The following MMS19 variants were observed in gnomAD, a reference collection of about 807,000 sequenced individuals.
MMS19 encodes the protein MMS19 nucleotide excision repair protein homolog.
In MMS19, 77 loss-of-function variants were observed where a neutral mutation model predicts 129.8. That is an observed-to-expected ratio of 0.59 (90% CI 0.49 to 0.72). The LOEUF is 0.72. MMS19 is among the 30% of genes least tolerant of loss of function. The probability of loss-of-function intolerance (pLI) is 0.00; values close to 1 mark genes in which losing one functional copy is unlikely to be tolerated. For missense variants in MMS19, 1,168 were observed against 1,266.3 expected (o/e 0.92, Z 1.18); for synonymous variants, 491 against 502.8 (o/e 0.98, Z 0.31).
intron 16 of MMS19, 47 bp downstream of exon 16, chr10:97,466,455 TAC>T: frequency 1.4e-6 from 2 of 1,430,520 alleles, no homozygotes; most frequent in East Asian, 4.6e-5. Flanking sequence ...TTGCTGCCAA[TAC>T]AGAGGCAGGG....
intron 25 of MMS19, 73 bp from the exon 26 acceptor site, chr10:97,460,305 G>C: frequency 7.0e-7 from 1 of 1,418,616 alleles, no homozygotes; most frequent in Non-Finnish European, 9.6e-7. Context: ...GATGGGGCCG[G>C]GTGTGGTGGC....
At chr10:97,467,025 C>G (rs1261308710) in intron 14 of MMS19, 124 bp from the exon 15 acceptor site, 1 of 1,081,978 alleles carries the variant, frequency 9.2e-7, no homozygotes, top group East Asian at 2.6e-5. Context: ...GTTGCCCAGG[C>G]TGGAGTGCAG....
At chr10:97,478,245 G>C (rs2135412981) in intron 4 of MMS19, 59 bp downstream of exon 4, 4 of 1,364,430 alleles carry the variant, frequency 2.9e-6, no homozygotes, top group Middle Eastern at 1.8e-4. Flanking sequence ...AGCGCAAGGA[G>C]AGAACTAGAC....
Position 97,468,315 on chromosome 10 carries a change from G to C in MMS19, c.1155C>G (p.Ala385=). The C allele has an allele frequency of 6.2e-7, 1 of 1,612,290 alleles. No individual in the cohort carries two copies. Among genetic ancestry groups the C allele is most frequent in the Non-Finnish European group, 8.5e-7 (1 of 1,178,868 alleles). ...GTACATTGCTGGTGACAGAGTCACA[G>C]GCCCGGGCAGATGCACCTGCAGCTG... is the stretch of plus-strand genomic sequence containing the variant. ...LQAAAGASAR[A]CDSVTSNVLP... The change falls in exon 13 of 31, where the codon GCC becomes GCG. Residue 385 remains alanine (A), a synonymous_variant. Coordinates refer to ENST00000438925, the MANE Select transcript of MMS19 (RefSeq NM_022362.5).
At chr10:97,477,825 G>A in intron 5 of MMS19, 30 bp downstream of exon 5, 5 of 1,520,304 alleles carry the variant, frequency 3.3e-6, no homozygotes, top group Non-Finnish European at 4.5e-6. Flanking sequence ...AGAGACAGAG[G>A]AGAATACCAA....
At chr10:97,470,408 T>A (rs1171261029) in intron 9 of MMS19, among the ~76,000 whole-genome samples, 1 of 152,174 alleles carries the variant, frequency 6.6e-6, no homozygotes, top group South Asian at 2.1e-4. Context: ...GTTGACAAAG[T>A]TACAGGATTT....
chr10:97,495,260 C>T (rs181923727), intron 1 of MMS19, among the ~76,000 whole-genome samples: 20 of 152,326 alleles, frequency 1.3e-4, no homozygotes, highest in Admixed American at 3.9e-4. Context: ...TAGTGGCAGG[C>T]TTTGAAGGCT....
Position 97,458,624 on chromosome 10 carries a change from G to A in MMS19, c.*68C>T, listed in dbSNP as rs2030543133. Reference sequence around the variant, plus strand: ...GAGACCAGTGGTTTCCCTGCTTTGGGGAAGATGGCTCAACAGTTAGTAATC... The same window carrying A: ...GAGACCAGTGGTTTCCCTGCTTTGGAGAAGATGGCTCAACAGTTAGTAATC... On this transcript the variant is annotated 3_prime_UTR_variant, in exon 31 of 31. Transcript: ENST00000438925. 1 of 1,499,840 alleles carries A rather than the reference G, an allele frequency of 6.7e-7. No individual in the cohort carries two copies. Among genetic ancestry groups the A allele is most frequent in the East Asian group, 2.4e-5 (1 of 41,116 alleles). The allele number at this position is 1,499,840 out of a possible 1,614,324, so 92.9% of individuals were successfully genotyped here. A position where few individuals can be genotyped will look rare whatever the true frequency, so the allele number is the denominator to read the frequency against.
rs2030913630 is a variant in MMS19 at position 97,459,250 on chromosome 10, A to G, written c.2937T>C (p.His979=). ...CAGGGGTGGGCAGGCGAGTGAGAGC[A>G]TGCATGCACTGCAGTGCGGCGATCC... ...AVRIAALQCM[H]ALTRLPTPVL... is the part of the protein sequence containing the mutation. Residue 979 remains histidine (H), a synonymous_variant, in exon 29 of 31, where the codon CAT becomes CAC. Coordinates refer to ENST00000438925, the MANE Select transcript of MMS19 (RefSeq NM_022362.5). 1.2e-6 allele frequency: 2 copies of G among 1,613,046 alleles called. No homozygotes were observed. The highest frequency in any genetic ancestry group is 8.5e-7 in the Non-Finnish European group (1 of 1,179,530).
Position 97,458,494 on chromosome 10 carries a change from C to G in MMS19, c.*198G>C. On this transcript the variant is annotated 3_prime_UTR_variant, in exon 31 of 31. Coordinates refer to ENST00000438925, the MANE Select transcript of MMS19 (RefSeq NM_022362.5). Reference sequence around the variant, plus strand: ...TTTCTTCAAACGCAAGTGTCTCACACACACTTATTTTACAAATCCACTAGA... The same window carrying G: ...TTTCTTCAAACGCAAGTGTCTCACAGACACTTATTTTACAAATCCACTAGA... 1 of 599,296 alleles carries G rather than the reference C, an allele frequency of 1.7e-6. No individual in the cohort carries two copies. The highest frequency in any genetic ancestry group is 2.2e-5 in the South Asian group (1 of 44,852). The allele number at this position is 599,296 out of a possible 1,614,324, so 37.1% of individuals were successfully genotyped here.
At chr10:97,468,937 C>T in intron 12 of MMS19, 29 bp downstream of exon 12, 3 of 1,571,352 alleles carry the variant, frequency 1.9e-6, no homozygotes, top group Non-Finnish European at 2.6e-6. Flanking sequence ...TGTGCTCACT[C>T]CCCTTCCTGG....
intron 8 of MMS19, among the ~76,000 whole-genome samples, chr10:97,473,185 G>A (rs1366511405): frequency 6.6e-6 from 1 of 151,986 alleles, no homozygotes; most frequent in Non-Finnish European, 1.5e-5. Context: ...ACAGGCGCCT[G>A]CTACCACGCC....
chr10:97,462,571 G>T lies in MMS19; in HGVS notation c.2012+12C>A. 6.2e-7 allele frequency: 1 copy of T among 1,603,606 alleles called. No individual in the cohort carries two copies. Among genetic ancestry groups the T allele is most frequent in the Non-Finnish European group, 8.5e-7 (1 of 1,170,474 alleles). ...CTCCCTGGGTTCAAGCCACATCCAT[G>T]ATTATACTTACTCAGGGCTCAGGTG... On this transcript the variant is annotated intron_variant, in intron 20 of 30. Coordinates refer to ENST00000438925, the MANE Select transcript of MMS19 (RefSeq NM_022362.5).
chr10:97,460,882 A>T (rs1233168346), intron 24 of MMS19, 25 bp downstream of exon 24: 4 of 1,555,338 alleles, frequency 2.6e-6, no homozygotes, highest in Non-Finnish European at 3.5e-6. Flanking sequence ...TCTCTGGCTA[A>T]CCAGACTCCA....
chr10:97,460,587 AAAG>A (rs1412485271), intron 25 of MMS19, 105 bp downstream of exon 25: 6 of 988,426 alleles, frequency 6.1e-6, no homozygotes, highest in Non-Finnish European at 9.3e-6. Flanking sequence ...AGAAAAAAGA[AAAG>A]AAAACAAAAA....
intron 1 of MMS19, among the ~76,000 whole-genome samples, chr10:97,491,188 C>G (rs1334117778): frequency 1.3e-5 from 2 of 152,124 alleles, no homozygotes; most frequent in African/African-American, 4.8e-5. Context: ...ACAGATGAAG[C>G]CATAGGGGAC....
intron 12 of MMS19, 27 bp downstream of exon 12, chr10:97,468,939 C>A: frequency 6.4e-7 from 1 of 1,572,712 alleles, no homozygotes; most frequent in East Asian, 2.3e-5. Flanking sequence ...TGCTCACTCC[C>A]CTTCCTGGCT....
At chr10:97,491,517 T>C (rs1280718474) in intron 1 of MMS19, among the ~76,000 whole-genome samples, 2 of 152,106 alleles carry the variant, frequency 1.3e-5, no homozygotes, top group East Asian at 1.9e-4. Context: ...ATTAAAAAAT[T>C]AGCTGGGTGT....
intron 26 of MMS19, 87 bp downstream of exon 26, chr10:97,459,959 A>C: frequency 7.1e-7 from 1 of 1,415,854 alleles, no homozygotes. Context: ...GCTCTAAAGA[A>C]GCAAGCGGGC....
Sources: allele counts gnomAD v4.1 joint callset (sites outside exome capture counted in the v4.1 genomes callset), GRCh38; gene constraint gnomAD v4.1.1; transcripts MANE v1.5; gene names NCBI Gene and HGNC (gene_info 2026-07-23, HGNC 2026-07-21).